PRR11: variants seen among roughly 807,000 people sequenced by gnomAD.
PRR11 encodes the protein proline-rich protein 11.
Under a neutral mutation model 45.6 loss-of-function variants are expected in PRR11, and 30 were observed. The ratio of observed to expected loss-of-function variants is 0.66; its 90% CI spans 0.49 to 0.89. PRR11 has a LOEUF of 0.89. PRR11 is among the 40% of genes least tolerant of loss of function. The pLI is 0.00. For synonymous variants in PRR11, 128 were observed against 153.5 expected (o/e 0.83, Z 1.23); for missense variants, 373 against 424.8 (o/e 0.88, Z 1.07).
At chr17:59,165,658 G>C (rs1484279319) in intron 1 of PRR11, among the ~76,000 whole-genome samples, 2 of 147,352 alleles carry the variant, frequency 1.4e-5, no homozygotes, top group Admixed American at 1.4e-4. Flanking sequence ...CGGGCGTGGT[G>C]GTGCATGCCT....
At position 59,195,316 on chromosome 17, in the gene PRR11, A is replaced by G. The variant is rs1484883416; in HGVS notation, c.745-15A>G. 1 of 1,584,192 alleles carries G rather than the reference A, an allele frequency of 6.3e-7. No individual in the cohort carries two copies. Among genetic ancestry groups the G allele is most frequent in the African/African-American group, 1.3e-5 (1 of 74,124 alleles). On this transcript the variant is annotated splice_polypyrimidine_tract_variant and intron_variant, in intron 6 of 9. Transcript: ENST00000262293. The stretch of plus-strand genomic sequence containing the variant: ...TTAAAATTTGTTTTAATAATGTCTC[A>G]TTTTATAATTAAAGCTTATACCATC...
chr17:59,166,501 G>C (rs1232860137), intron 1 of PRR11, among the ~76,000 whole-genome samples: 1 of 151,912 alleles, frequency 6.6e-6, no homozygotes, highest in East Asian at 1.9e-4. Context: ...CAGCAAGAAG[G>C]ACCCTTTTAT....
intron 2 of PRR11, among the ~76,000 whole-genome samples, chr17:59,171,852 G>A (rs1158316705): frequency 6.6e-6 from 1 of 151,962 alleles, no homozygotes; most frequent in Non-Finnish European, 1.5e-5. Context: ...TAGATAAAAA[G>A]TGTACTCGCT....
rs1316206486 is a variant in PRR11, at chr17:59,173,668, G to A, written c.128+3788G>A. Among the ~76,000 whole-genome samples, 6 of 152,342 alleles carry A rather than the reference G, an allele frequency of 3.9e-5. No homozygotes were observed. In the East Asian group the frequency reaches 9.6e-4, roughly 24 times the overall value. ...TCCGGACACGCCACCTTTAAGAACT[G>A]TAACATGGCGAGGGTTGGCAGCTTC... On this transcript the variant is annotated intron_variant, in intron 2 of 9. Coordinates refer to ENST00000262293, the MANE Select transcript of PRR11 (RefSeq NM_018304.4).
chr17:59,174,445 G>T (rs762215949), intron 2 of PRR11, among the ~76,000 whole-genome samples: 1 of 152,142 alleles, frequency 6.6e-6, no homozygotes, highest in Admixed American at 6.5e-5. Flanking sequence ...TAACTCAAGT[G>T]TGTCAATCAT....
Position 59,189,675 on chromosome 17 carries a change from T to G in PRR11, c.403-3817T>G, listed in dbSNP as rs1378597624. 2.0e-5 allele frequency among the ~76,000 whole-genome samples: 3 copies of G among 152,082 alleles called. No individual in the cohort carries two copies. In the East Asian group the frequency reaches 5.8e-4, roughly 29 times the overall value. ...GACTAGGTGGGACTCCAAAAATAAA[T>G]AGCAAAAAAATTAAATTAAACATAA... is the stretch of plus-strand genomic sequence containing the variant. On this transcript the variant is annotated intron_variant, in intron 4 of 9. Coordinates refer to ENST00000262293, the MANE Select transcript of PRR11 (RefSeq NM_018304.4).
chr17:59,157,280 A>T (rs190931713), intron 1 of PRR11, among the ~76,000 whole-genome samples: 26 of 152,338 alleles, frequency 1.7e-4, no homozygotes, highest in Admixed American at 1.2e-3. Context: ...CACCCTTGAA[A>T]AGCTCACAGT....
intron 4 of PRR11, among the ~76,000 whole-genome samples, chr17:59,189,364 C>T (rs2046830318): frequency 6.6e-6 from 1 of 151,944 alleles, no homozygotes; most frequent in South Asian, 2.1e-4. Flanking sequence ...GACAAAGTAC[C>T]GCTCTGTCGC....
intron 1 of PRR11, among the ~76,000 whole-genome samples, chr17:59,156,642 T>C (rs2046625643): frequency 6.6e-6 from 1 of 151,748 alleles, no homozygotes; most frequent in Admixed American, 6.6e-5. Flanking sequence ...AAAGAACTTT[T>C]CTTCTCTTTC....
At chr17:59,191,921 G>T (rs145653999) in intron 4 of PRR11, among the ~76,000 whole-genome samples, 1 of 152,106 alleles carries the variant, frequency 6.6e-6, no homozygotes, top group African/African-American at 2.4e-5. Flanking sequence ...ACTCCTCTGG[G>T]CCTCAGTTTC....
intron 1 of PRR11, among the ~76,000 whole-genome samples, chr17:59,167,569 C>A (rs936457117): frequency 3.3e-5 from 5 of 152,282 alleles, no homozygotes; most frequent in African/African-American, 9.6e-5. Flanking sequence ...ATAGGCAGAG[C>A]AGTGGCATGG....
intron 1 of PRR11, among the ~76,000 whole-genome samples, chr17:59,167,411 CTAG>C (rs1222795967): frequency 6.6e-6 from 1 of 152,154 alleles, no homozygotes; most frequent in Non-Finnish European, 1.5e-5. Context: ...TTCCTGCTAT[CTAG>C]CTGTAATTAT....
At chr17:59,195,948 T>G (rs2046863903) in intron 7 of PRR11, among the ~76,000 whole-genome samples, 1 of 151,692 alleles carries the variant, frequency 6.6e-6, no homozygotes, top group African/African-American at 2.4e-5. Context: ...ATTAGCCGGA[T>G]GCAGTGGTGT....
chr17:59,191,064 C>T (rs552543116), intron 4 of PRR11, among the ~76,000 whole-genome samples: 2 of 152,088 alleles, frequency 1.3e-5, no homozygotes, highest in Non-Finnish European at 2.9e-5. Context: ...TGGCCTATTG[C>T]GAGACACTGA....
In PRR11 at chr17:59,201,879, G is replaced by A. The variant is rs1415202241; in HGVS notation, c.*248G>A. 2.4e-6 allele frequency: 1 copy of A among 417,860 alleles called. No homozygotes were observed. The highest frequency in any genetic ancestry group is 4.4e-6 in the Non-Finnish European group (1 of 224,814). 25.9% of individuals were successfully genotyped at this position (417,860 alleles called of 1,614,324 possible). The stretch of plus-strand genomic sequence containing the variant: ...CCAGCTATGCGGGAGGCTAAGGCAG[G>A]AGAATTGCTTGAACCCAAGAGGCAG... On this transcript the variant is annotated 3_prime_UTR_variant, in exon 10 of 10. Transcript: ENST00000262293.
At chr17:59,174,393 A>G (rs1233220626) in intron 2 of PRR11, among the ~76,000 whole-genome samples, 1 of 152,232 alleles carries the variant, frequency 6.6e-6, no homozygotes, top group East Asian at 1.9e-4. Context: ...TAGCTGCACA[A>G]GATGTGAACC....
chr17:59,179,893 C>T (rs1470154487), intron 2 of PRR11: 2 of 1,335,596 alleles, frequency 1.5e-6, no homozygotes, highest in East Asian at 2.4e-5. Context: ...AGTAAAGAAA[C>T]CAGGCCACTG....
chr17:59,155,750 A>G lies in PRR11; in HGVS notation c.-61A>G, dbSNP rs1296681516. The G allele has an allele frequency of 1.2e-5, 2 of 162,666 alleles. No individual in the cohort carries two copies. 10.1% of individuals were successfully genotyped at this position (162,666 alleles called of 1,614,324 possible). On this transcript the variant is annotated 5_prime_UTR_variant, in exon 1 of 10. It removes an upstream start codon present in the reference 5' UTR. Transcript: ENST00000262293. Reference sequence around the variant, plus strand: ...AGGATTTAATTTTGAATTTTTCTTTATGGCGTGGGAGAGGCCACAGCCCGG... The same window carrying G: ...AGGATTTAATTTTGAATTTTTCTTTGTGGCGTGGGAGAGGCCACAGCCCGG...
chr17:59,186,843 A>T (rs1176506339), intron 4 of PRR11, among the ~76,000 whole-genome samples: 1 of 152,222 alleles, frequency 6.6e-6, no homozygotes, highest in Non-Finnish European at 1.5e-5. Context: ...AAAAAGACCA[A>T]CAACTTAGCA....
Sources: gnomAD v4.1 joint callset for allele counts (sites outside exome capture counted in the v4.1 genomes callset) on GRCh38, gnomAD v4.1.1 for gene constraint, MANE v1.5 for transcripts, NCBI Gene and HGNC (gene_info 2026-07-23, HGNC 2026-07-21) for gene names.